BRWD1: variants seen among roughly 807,000 people sequenced by gnomAD.
The protein encoded by BRWD1 is bromodomain and WD repeat domain containing 1.
In BRWD1, 82 loss-of-function variants were observed where a neutral mutation model predicts 251.2. The ratio of observed to expected loss-of-function variants is 0.33; its 90% CI spans 0.27 to 0.39. The LOEUF (loss-of-function observed/expected upper bound fraction) is 0.39. BRWD1 is among the 10% of genes least tolerant of loss of function. The pLI is 1.00. For synonymous variants in BRWD1, 918 were observed against 902.8 expected (o/e 1.02, Z -0.30); for missense variants, 2,233 against 2,711.6 (o/e 0.82, Z 3.92).
At chr21:39,248,126 C>A (rs2034260755) in intron 20 of BRWD1, among the ~76,000 whole-genome samples, 1 of 152,074 alleles carries the variant, frequency 6.6e-6, no homozygotes, top group Non-Finnish European at 1.5e-5. Flanking sequence ...AGGATGTCAC[C>A]TTAAAAGTAT....
intron 4 of BRWD1, among the ~76,000 whole-genome samples, chr21:39,308,777 A>G (rs1188239914): frequency 6.6e-6 from 1 of 152,164 alleles, no homozygotes; most frequent in Non-Finnish European, 1.5e-5. Context: ...AAGGAACAAT[A>G]AGACAAATAC....
chr21:39,253,918 C>G (rs1252284861), intron 19 of BRWD1, among the ~76,000 whole-genome samples: 1 of 152,294 alleles, frequency 6.6e-6, no homozygotes, highest in South Asian at 2.1e-4. Context: ...ATTATAATTA[C>G]AAAATATCAT....
chr21:39,313,999 G>T (rs2036628159), upstream of BRWD1: 1 of 444,312 alleles, frequency 2.3e-6, no homozygotes, highest in Admixed American at 2.4e-5. Flanking sequence ...CCCCCCGTGG[G>T]ACCTGGGTCC....
intron 15 of BRWD1, among the ~76,000 whole-genome samples, chr21:39,265,718 A>C (rs1396330919): frequency 2.0e-5 from 3 of 152,222 alleles, no homozygotes; most frequent in African/African-American, 7.2e-5. Context: ...TCATGAACTA[A>C]AACGAACACT....
chr21:39,200,059 T>A (rs1199913290), intron 39 of BRWD1, among the ~76,000 whole-genome samples, 160 bp downstream of exon 39: 2 of 152,224 alleles, frequency 1.3e-5, no homozygotes, highest in Non-Finnish European at 2.9e-5. Flanking sequence ...AGCCTTTTCT[T>A]CACTTTTTAA....
In BRWD1 at chr21:39,205,266, G is replaced by A. The variant is rs570801840; in HGVS notation, c.4364+842C>T. Among the ~76,000 whole-genome samples the A allele has an allele frequency of 2.0e-5, 3 of 152,230 alleles. No individual in the cohort carries two copies. The East Asian group carries it at 5.8e-4, about 29-fold the overall frequency. On this transcript the variant is annotated intron_variant, in intron 37 of 40. Coordinates refer to ENST00000342449, the MANE Select transcript of BRWD1 (RefSeq NM_033656.4). Reference sequence around the variant, plus strand: ...AGGTGGAAGGATCTTGATCCCAGGAGTTCAAGACCAGCGTGGGCACCATAG... The same window carrying A: ...AGGTGGAAGGATCTTGATCCCAGGAATTCAAGACCAGCGTGGGCACCATAG...
chr21:39,223,686 G>C (rs2033268737), intron 29 of BRWD1, among the ~76,000 whole-genome samples: 1 of 152,150 alleles, frequency 6.6e-6, no homozygotes, highest in Non-Finnish European at 1.5e-5. Flanking sequence ...GGACAGGCTG[G>C]CTTTAAATAG....
At chr21:39,243,506 C>T (rs576364544) in intron 21 of BRWD1, among the ~76,000 whole-genome samples, 21 of 152,238 alleles carry the variant, frequency 1.4e-4, no homozygotes, top group African/African-American at 4.8e-4. Context: ...GTTACACTGG[C>T]GCAACCAAGG....
At chr21:39,308,129 C>T (rs2036348331) in intron 4 of BRWD1, among the ~76,000 whole-genome samples, 1 of 152,134 alleles carries the variant, frequency 6.6e-6, no homozygotes, top group African/African-American at 2.4e-5. Context: ...ATCCTCCCAC[C>T]TCAGACTCTC....
In BRWD1 at chr21:39,218,680, CAAT is replaced by C. The variant is rs1337892594; in HGVS notation, c.3383-23_3383-21del. 2.6e-6 allele frequency: 4 copies of C among 1,547,302 alleles called. No homozygotes were observed. Among genetic ancestry groups the C allele is most frequent in the Non-Finnish European group, 3.5e-6 (4 of 1,154,912 alleles). On this transcript the variant is annotated intron_variant, in intron 29 of 40. Transcript: ENST00000342449. ...GATCAACTATGAATACCATAAAAAA[CAAT>C]GAGAGGAAGAAAAAAACACAAAAAA...
At chr21:39,314,288 C>T (rs1286792467), upstream of BRWD1, 2 of 455,880 alleles carry the variant, frequency 4.4e-6, no homozygotes, top group South Asian at 3.1e-5. Flanking sequence ...TGCCGAGACC[C>T]AGCCACATCC....
At chr21:39,247,353 A>G (rs1240138246) in intron 21 of BRWD1, among the ~76,000 whole-genome samples, 1 of 152,210 alleles carries the variant, frequency 6.6e-6, no homozygotes, top group Non-Finnish European at 1.5e-5. Context: ...CAGATTTTGG[A>G]AAATTTGCAT....
Position 39,197,165 on chromosome 21 carries a change from A to G in BRWD1, c.5904T>C (p.Ala1968=), listed in dbSNP as rs775916754. ...KNGRKKPLHL[A]CTTAKKKLSD... ...TCAATTTCTTCTTAGCTGTAGTACA[A>G]GCAAGATGGAGAGGTTTTTTCCTTC... Residue 1968 remains alanine (A), a synonymous_variant, in exon 41 of 41, where the codon GCT becomes GCC. Coordinates refer to ENST00000342449, the MANE Select transcript of BRWD1 (RefSeq NM_033656.4). 1 of 1,614,160 alleles carries G rather than the reference A, an allele frequency of 6.2e-7. No homozygotes were observed. The highest frequency in any genetic ancestry group is 1.7e-5 in the Admixed American group (1 of 60,026).
intron 23 of BRWD1, 112 bp downstream of exon 23, chr21:39,236,483 C>A: frequency 3.0e-6 from 3 of 1,001,738 alleles, no homozygotes; most frequent in Non-Finnish European, 4.3e-6. Flanking sequence ...GGGCCCAAGA[C>A]ACCCAAGGCA....
At chr21:39,228,203 G>A (rs1193870384) in intron 27 of BRWD1, among the ~76,000 whole-genome samples, 3 of 152,058 alleles carry the variant, frequency 2.0e-5, no homozygotes, top group South Asian at 2.1e-4. Flanking sequence ...CAAGAGAATC[G>A]CTTGAACTTT....
At chr21:39,185,294 C>CAAAAAA (rs2031152435), downstream of BRWD1, 1 of 9,846 alleles carries the variant, frequency 1.0e-4, no homozygotes, top group African/African-American at 4.6e-4. Context: ...ACTGAAATTG[C>CAAAAAA]TAAAAAAAAA....
intron 34 of BRWD1, among the ~76,000 whole-genome samples, 186 bp from the exon 35 acceptor site, chr21:39,211,115 C>T (rs2032638943): frequency 6.6e-6 from 1 of 152,082 alleles, no homozygotes; most frequent in Admixed American, 6.5e-5. Flanking sequence ...TATAACTTAA[C>T]CAATTTCAGA....
At chr21:39,247,253 C>A (rs896139838) in intron 21 of BRWD1, among the ~76,000 whole-genome samples, 1 of 152,098 alleles carries the variant, frequency 6.6e-6, no homozygotes, top group African/African-American at 2.4e-5. Context: ...ATAGAGGTGA[C>A]GATGGCCCAA....
In BRWD1 at chr21:39,195,820, A is replaced by C. The variant is rs1168099796; in HGVS notation, c.*439T>G. 2 of 987,464 alleles carry C rather than the reference A, an allele frequency of 2.0e-6. No individual in the cohort carries two copies. Among genetic ancestry groups the C allele is most frequent in the Non-Finnish European group, 2.4e-6 (2 of 831,414 alleles). The allele number at this position is 987,464 out of a possible 1,614,324, so 61.2% of individuals were successfully genotyped here. A position where few individuals can be genotyped will look rare whatever the true frequency, so the allele number is the denominator to read the frequency against. On this transcript the variant is annotated 3_prime_UTR_variant, in exon 41 of 41. Transcript: ENST00000342449. The stretch of plus-strand genomic sequence containing the variant: ...ATGATTATAGTGTCAGTATGCATGT[A>C]TTTATGAAGAATCTGTAAACATAGG...
Sources: gnomAD v4.1 joint callset for allele counts (sites outside exome capture counted in the v4.1 genomes callset) on GRCh38, gnomAD v4.1.1 for gene constraint, MANE v1.5 for transcripts, NCBI Gene and HGNC (gene_info 2026-07-23, HGNC 2026-07-21) for gene names.